The following ADK variants were observed in gnomAD, a reference collection of about 807,000 sequenced individuals.
The protein encoded by ADK is N6,N6-dimethyladenosine kinase.
Under a neutral mutation model 44.7 loss-of-function variants are expected in ADK, and 24 were observed. That is an observed-to-expected ratio of 0.54 (90% CI 0.39 to 0.76). The LOEUF (loss-of-function observed/expected upper bound fraction) is 0.76. ADK is among the 30% of genes least tolerant of loss of function. The pLI is 0.00. For missense variants in ADK, 321 were observed against 425.1 expected, an observed-to-expected ratio of 0.76 and a Z score of 2.15; for synonymous variants, 128 against 142.6, an observed-to-expected ratio of 0.90 and a Z score of 0.73.
chr10:74,162,070 G>C (rs1435818358), intron 1 of ADK, among the ~76,000 whole-genome samples: 1 of 152,050 alleles, frequency 6.6e-6, no homozygotes, highest in African/African-American at 2.4e-5. Flanking sequence ...GACCAGGCTG[G>C]AGTGTAGTGG....
intron 3 of ADK, among the ~76,000 whole-genome samples, chr10:74,249,496 TAC>T (rs72380023): frequency 0.46 from 68,215 of 148,906 alleles, 17,265 homozygotes; most frequent in Non-Finnish European, 0.59. Flanking sequence ...TGTACATGCA[TAC>T]ACACACACAC....
intron 6 of ADK, among the ~76,000 whole-genome samples, chr10:74,427,814 A>G (rs1844854004): frequency 6.6e-6 from 1 of 152,146 alleles, no homozygotes; most frequent in African/African-American, 2.4e-5. Context: ...GAGCGAAGTC[A>G]CAATAGTAGT....
At chr10:74,405,379 T>TC (rs1843882251) in intron 6 of ADK, among the ~76,000 whole-genome samples, 1 of 151,916 alleles carries the variant, frequency 6.6e-6, no homozygotes, top group Non-Finnish European at 1.5e-5. Flanking sequence ...TTTTTTTTTT[T>TC]TTCAAATGTG....
intron 6 of ADK, among the ~76,000 whole-genome samples, chr10:74,507,118 A>T (rs1438842439): frequency 6.6e-6 from 1 of 152,102 alleles, no homozygotes; most frequent in African/African-American, 2.4e-5. Context: ...AATTGTTTGG[A>T]CTTAACATTA....
At chr10:74,293,385 T>C (rs1482638021) in intron 3 of ADK, among the ~76,000 whole-genome samples, 1 of 152,124 alleles carries the variant, frequency 6.6e-6, no homozygotes, top group African/African-American at 2.4e-5. Flanking sequence ...TAAGCTGAGT[T>C]GTTCAAAATT....
At chr10:74,497,122 C>G (rs1269405161) in intron 6 of ADK, among the ~76,000 whole-genome samples, 1 of 152,146 alleles carries the variant, frequency 6.6e-6, no homozygotes, top group Non-Finnish European at 1.5e-5. Context: ...CTAGCTCCCC[C>G]TCTCTCTTAT....
At chr10:74,264,307 G>A (rs1024083761) in intron 3 of ADK, among the ~76,000 whole-genome samples, 7 of 152,148 alleles carry the variant, frequency 4.6e-5, no homozygotes, top group Non-Finnish European at 1.0e-4. Context: ...CTAAGAATTG[G>A]TATAAACAGA....
chr10:74,685,950 G>T (rs527768002), intron 10 of ADK, among the ~76,000 whole-genome samples: 1 of 152,022 alleles, frequency 6.6e-6, no homozygotes, highest in South Asian at 2.1e-4. Context: ...AATATGTGGG[G>T]TTTTTTGTTT....
intron 3 of ADK, among the ~76,000 whole-genome samples, chr10:74,294,841 G>T (rs1351722459): frequency 2.6e-5 from 4 of 152,000 alleles, no homozygotes; most frequent in Admixed American, 2.6e-4. Context: ...GGGTGTTTAA[G>T]AATATTTTAT....
intron 9 of ADK, among the ~76,000 whole-genome samples, chr10:74,638,733 A>G (rs1286318444): frequency 1.3e-5 from 2 of 152,194 alleles, no homozygotes; most frequent in Non-Finnish European, 2.9e-5. Flanking sequence ...CAGACTTTTA[A>G]TGGCTTTCTG....
At chr10:74,627,704 C>G (rs1031000129) in intron 9 of ADK, among the ~76,000 whole-genome samples, 3 of 152,100 alleles carry the variant, frequency 2.0e-5, no homozygotes, top group Admixed American at 2.0e-4. Context: ...ACGATCTCGG[C>G]TCACTGCAAC....
intron 9 of ADK, among the ~76,000 whole-genome samples, chr10:74,633,978 G>T (rs1315313865): frequency 6.6e-6 from 1 of 152,174 alleles, no homozygotes; most frequent in Admixed American, 6.5e-5. Context: ...TCTACATACA[G>T]ACCTTATCCA....
At chr10:74,601,235 G>A (rs902956617) in intron 9 of ADK, among the ~76,000 whole-genome samples, 1 of 151,804 alleles carries the variant, frequency 6.6e-6, no homozygotes, top group Non-Finnish European at 1.5e-5. Context: ...CTTATCTATT[G>A]GTGCTAACTA....
chr10:74,641,357 T>G (rs111448546), intron 9 of ADK: 40 of 152,256 alleles, frequency 2.6e-4, no homozygotes, highest in African/African-American at 9.6e-4. Flanking sequence ...AAAAAATAAC[T>G]TTTTAAAAAT....
chr10:74,631,537 C>T (rs890517794), intron 9 of ADK, among the ~76,000 whole-genome samples: 3 of 151,712 alleles, frequency 2.0e-5, no homozygotes, highest in Non-Finnish European at 2.9e-5. Flanking sequence ...GGATTACAGA[C>T]GTGAGCCACT....
At chr10:74,251,973 C>G (rs147038827) in intron 3 of ADK, among the ~76,000 whole-genome samples, 1 of 140,516 alleles carries the variant, frequency 7.1e-6, no homozygotes, top group East Asian at 2.1e-4. Context: ...CTAGGCCACT[C>G]ATGATTATCC....
intron 6 of ADK, among the ~76,000 whole-genome samples, chr10:74,416,172 A>T (rs558906141): frequency 3.3e-5 from 5 of 151,980 alleles, no homozygotes; most frequent in Non-Finnish European, 7.4e-5. Flanking sequence ...TTAAAAAAAA[A>T]TTTGGTAAAT....
chr10:74,517,463 C>T (rs1391878537), intron 6 of ADK, among the ~76,000 whole-genome samples: 1 of 151,886 alleles, frequency 6.6e-6, no homozygotes, highest in African/African-American at 2.4e-5. Context: ...CTGAGGGAGG[C>T]GTATGGCTTG....
At chr10:74,246,068 G>A (rs1845403935) in intron 3 of ADK, among the ~76,000 whole-genome samples, 1 of 152,140 alleles carries the variant, frequency 6.6e-6, no homozygotes, top group Non-Finnish European at 1.5e-5. Context: ...CAGTATTAGA[G>A]ATTGTCTGGT....
Sources: allele counts gnomAD v4.1 joint callset (sites outside exome capture counted in the v4.1 genomes callset), GRCh38; gene constraint gnomAD v4.1.1; transcripts MANE v1.5; gene names NCBI Gene and HGNC (gene_info 2026-07-23, HGNC 2026-07-21).